DEPDC5: variants seen among roughly 807,000 people sequenced by gnomAD.
The protein encoded by DEPDC5 is GATOR1 complex protein DEPDC5.
DEPDC5 carries 73 observed loss-of-function variants against 217.3 expected under a neutral mutation model. The ratio of observed to expected loss-of-function variants is 0.34; its 90% confidence interval spans 0.28 to 0.41. The LOEUF is 0.41. Among genes scored for constraint, DEPDC5 ranks in the 10% least tolerant of loss-of-function variants. The probability of loss-of-function intolerance (pLI) is 1.00; values close to 1 mark genes in which losing one functional copy is unlikely to be tolerated. For missense variants in DEPDC5, 1,675 were observed against 2,070.1 expected (o/e 0.81, Z 3.70); for synonymous variants, 733 against 756.7 (o/e 0.97, Z 0.51).
At chr22:31,901,008 C>T (rs777895728) in intron 40 of DEPDC5, among the ~76,000 whole-genome samples, 7 of 151,996 alleles carry the variant, frequency 4.6e-5, no homozygotes, top group Non-Finnish European at 5.9e-5. Flanking sequence ...TTTGGGAGGC[C>T]GACGCAGGCG....
At chr22:31,868,536 C>T (rs1222315520) in intron 33 of DEPDC5, among the ~76,000 whole-genome samples, 1 of 152,190 alleles carries the variant, frequency 6.6e-6, no homozygotes, top group African/African-American at 2.4e-5. Context: ...AAGCAGTCTT[C>T]TCACTTCACT....
Position 31,778,114 on chromosome 22 carries a change from A to G in DEPDC5, c.429A>G (p.Glu143=). 1.2e-6 allele frequency: 2 copies of G among 1,614,224 alleles called. No individual in the cohort carries two copies. The highest frequency in any genetic ancestry group is 1.7e-6 in the Non-Finnish European group (2 of 1,180,022). Residue 143 remains glutamate (E), a synonymous_variant, in exon 8 of 43, where the codon GAA becomes GAG. Coordinates refer to ENST00000651528, the MANE Select transcript of DEPDC5 (RefSeq NM_001242896.3). The part of the protein sequence containing the change: ...EFAGIRAQAG[E]LWVKNEKVMC... ...ATTCTTTCAGAGCACAGGCTGGTGA[A>G]CTGTGGGTTAAGAATGAGAAGGTCA...
chr22:31,798,312 G>A (rs902207677), intron 13 of DEPDC5, among the ~76,000 whole-genome samples: 1 of 152,140 alleles, frequency 6.6e-6, no homozygotes, highest in Non-Finnish European at 1.5e-5. Context: ...GAGGTCAGGA[G>A]TTCAAGACCA....
intron 40 of DEPDC5, among the ~76,000 whole-genome samples, chr22:31,899,700 T>C (rs1478165827): frequency 2.0e-5 from 3 of 152,206 alleles, no homozygotes; most frequent in Non-Finnish European, 4.4e-5. Flanking sequence ...CTTTTTGCTC[T>C]TTAGTTGCCC....
At chr22:31,902,354 CT>C (rs1275820706) in intron 41 of DEPDC5, among the ~76,000 whole-genome samples, 5 of 149,022 alleles carry the variant, frequency 3.4e-5, no homozygotes, top group African/African-American at 1.2e-4. Context: ...GCCCCTTGTT[CT>C]TGCTTTGGTA....
chr22:31,801,332 A>G (rs1358424418), intron 14 of DEPDC5, among the ~76,000 whole-genome samples: 5 of 152,134 alleles, frequency 3.3e-5, no homozygotes, highest in African/African-American at 1.2e-4. Context: ...AAATTGTAAA[A>G]GTAACCATGT....
chr22:31,793,665 G>T (rs531875057), intron 12 of DEPDC5, among the ~76,000 whole-genome samples: 1 of 152,136 alleles, frequency 6.6e-6, no homozygotes, highest in South Asian at 2.1e-4. Context: ...CGCCTCCCAG[G>T]TTCAAGGGAT....
At chr22:31,799,792 G>A (rs1039886973) in intron 14 of DEPDC5, among the ~76,000 whole-genome samples, 9 of 128,522 alleles carry the variant, frequency 7.0e-5, no homozygotes, top group African/African-American at 2.8e-4. Flanking sequence ...GAGCCACCAT[G>A]CCCGGCCTTT....
intron 34 of DEPDC5, among the ~76,000 whole-genome samples, chr22:31,871,969 G>A (rs1356374270): frequency 6.6e-6 from 1 of 152,224 alleles, no homozygotes; most frequent in Non-Finnish European, 1.5e-5. Flanking sequence ...GGCATTAGAA[G>A]GAAGTTCATT....
intron 22 of DEPDC5, among the ~76,000 whole-genome samples, chr22:31,819,475 T>G (rs1432444090): frequency 6.6e-6 from 1 of 151,516 alleles, no homozygotes; most frequent in African/African-American, 2.4e-5. Flanking sequence ...TTTTTTTTTT[T>G]TTTTTCTTTT....
intron 24 of DEPDC5, among the ~76,000 whole-genome samples, chr22:31,832,437 T>A (rs1314739756): frequency 6.6e-6 from 1 of 152,204 alleles, no homozygotes; most frequent in Non-Finnish European, 1.5e-5. Flanking sequence ...GTCATTTTCA[T>A]TATTTCATCA....
chr22:31,811,919 C>T (rs1219359779), intron 20 of DEPDC5, among the ~76,000 whole-genome samples: 3 of 152,162 alleles, frequency 2.0e-5, no homozygotes, highest in African/African-American at 7.2e-5. Flanking sequence ...TAAGAAAGCA[C>T]TCTCTACCCC....
At chr22:31,781,771 C>T (rs776126527) in intron 8 of DEPDC5, among the ~76,000 whole-genome samples, 41 of 152,114 alleles carry the variant, frequency 2.7e-4, no homozygotes, top group Non-Finnish European at 5.6e-4. Flanking sequence ...TGGTGGCTCA[C>T]GCCTGTAATC....
chr22:31,837,231 T>A (rs1182131839), intron 26 of DEPDC5, 76 bp downstream of exon 26: 12 of 1,507,418 alleles, frequency 8.0e-6, no homozygotes, highest in Non-Finnish European at 8.2e-6. Context: ...ATCAGAACAC[T>A]GGATTTGTGC....
intron 1 of DEPDC5, among the ~76,000 whole-genome samples, chr22:31,754,386 C>T (rs1249140504): frequency 1.3e-5 from 2 of 152,262 alleles, no homozygotes; most frequent in Admixed American, 1.3e-4. Context: ...TTCTGCCTTC[C>T]TCCTCTTTGT....
At chr22:31,762,394 A>G (rs2082468852) in intron 4 of DEPDC5, among the ~76,000 whole-genome samples, 1 of 152,242 alleles carries the variant, frequency 6.6e-6, no homozygotes, top group Non-Finnish European at 1.5e-5. Context: ...AAGGAACCAA[A>G]ATGTTAATTG....
intron 10 of DEPDC5, among the ~76,000 whole-genome samples, chr22:31,788,103 TA>T (rs899330540): frequency 6.6e-6 from 1 of 151,456 alleles, no homozygotes; most frequent in East Asian, 1.9e-4. Flanking sequence ...TTAAAATAAT[TA>T]AAAAAACAAA....
intron 26 of DEPDC5, among the ~76,000 whole-genome samples, chr22:31,838,240 C>A (rs2091163504): frequency 1.3e-5 from 2 of 152,184 alleles, no homozygotes; most frequent in Admixed American, 1.3e-4. Flanking sequence ...TAATTTTCCC[C>A]AAAACACTGA....
intron 8 of DEPDC5, among the ~76,000 whole-genome samples, chr22:31,781,045 C>T (rs190378405): frequency 0.014 from 2,082 of 152,066 alleles, 17 homozygotes; most frequent in Middle Eastern, 0.031. Context: ...GGAGAAACCC[C>T]GTCTCTACTA....
Sources: allele counts gnomAD v4.1 joint callset (sites outside exome capture counted in the v4.1 genomes callset), GRCh38; gene constraint gnomAD v4.1.1; transcripts MANE v1.5; gene names NCBI Gene and HGNC (gene_info 2026-07-23, HGNC 2026-07-21).